The following LOC128462377 variants were observed in gnomAD, a reference collection of about 807,000 sequenced individuals.
chr16:89,319,773 C>T, the LOC128462377 span, among the ~76,000 whole-genome samples: 1 of 152,252 alleles, frequency 6.6e-6, no homozygotes, highest in Non-Finnish European at 1.5e-5. Context: ...CGCCTGCAGG[C>T]ACCAGGCGTG....
the LOC128462377 span, among the ~76,000 whole-genome samples, chr16:89,323,564 A>AGAGCCC: frequency 8.0e-5 from 1 of 12,566 alleles, no homozygotes; most frequent in Non-Finnish European, 1.6e-4. Context: ...GGTCTGAGCT[A>AGAGCCC]AGGGCACGGG....
the LOC128462377 span, among the ~76,000 whole-genome samples, chr16:89,372,407 G>C: frequency 6.6e-6 from 1 of 152,154 alleles, no homozygotes; most frequent in Non-Finnish European, 1.5e-5. Flanking sequence ...AGCACGGACG[G>C]GGTCGACAAG....
the LOC128462377 span, among the ~76,000 whole-genome samples, chr16:89,413,494 G>A: frequency 5.9e-5 from 9 of 152,042 alleles, no homozygotes; most frequent in East Asian, 7.7e-4. Flanking sequence ...GCGTGGTGGC[G>A]GGCACCTATA....
At chr16:89,335,678 C>A in the LOC128462377 span, among the ~76,000 whole-genome samples, 1 of 152,190 alleles carries the variant, frequency 6.6e-6, no homozygotes, top group East Asian at 1.9e-4. Context: ...CTCAGCTGAG[C>A]CCTCAGGACA....
the LOC128462377 span, among the ~76,000 whole-genome samples, chr16:89,364,769 C>T: frequency 6.6e-6 from 1 of 152,238 alleles, no homozygotes; most frequent in Non-Finnish European, 1.5e-5. Flanking sequence ...CCCTGTCAGA[C>T]TGTAAACACT....
At chr16:89,383,590 C>T in the LOC128462377 span, among the ~76,000 whole-genome samples, 9 of 152,318 alleles carry the variant, frequency 5.9e-5, no homozygotes, top group Admixed American at 2.6e-4. Flanking sequence ...TGGCCAAAGC[C>T]GAAGAGCCTC....
chr16:89,379,096 G>C, the LOC128462377 span, among the ~76,000 whole-genome samples: 1 of 152,194 alleles, frequency 6.6e-6, no homozygotes, highest in Non-Finnish European at 1.5e-5. Context: ...TCGGCAGTGC[G>C]GACCAGCCCC....
At chr16:89,395,054 G>A in the LOC128462377 span, among the ~76,000 whole-genome samples, 2 of 152,182 alleles carry the variant, frequency 1.3e-5, no homozygotes, top group Admixed American at 1.3e-4. Flanking sequence ...AGTTCTGCAG[G>A]ATTTGGAAAA....
chr16:89,389,433 AT>A, the LOC128462377 span, among the ~76,000 whole-genome samples: 1 of 152,194 alleles, frequency 6.6e-6, no homozygotes, highest in South Asian at 2.1e-4. Flanking sequence ...AAAAAAGTCA[AT>A]CAAAAGCTAC....
At chr16:89,318,859 G>T in the LOC128462377 span, among the ~76,000 whole-genome samples, 1 of 152,196 alleles carries the variant, frequency 6.6e-6, no homozygotes, top group African/African-American at 2.4e-5. Flanking sequence ...AGGTGAGCAG[G>T]TGTTTCCATC....
chr16:89,318,787 T>C, the LOC128462377 span, among the ~76,000 whole-genome samples: 1 of 152,212 alleles, frequency 6.6e-6, no homozygotes, highest in South Asian at 2.1e-4. Context: ...GGTGAAGTTA[T>C]TCTGGAGAGA....
At chr16:89,397,507 G>A in the LOC128462377 span, among the ~76,000 whole-genome samples, 2 of 152,208 alleles carry the variant, frequency 1.3e-5, no homozygotes, top group African/African-American at 4.8e-5. Context: ...GCTGCTATCC[G>A]CGCTCCTTTC....
chr16:89,388,778 T>C, the LOC128462377 span, among the ~76,000 whole-genome samples: 1 of 152,178 alleles, frequency 6.6e-6, no homozygotes, highest in Admixed American at 6.5e-5. Flanking sequence ...GCCAGATCCC[T>C]GTCCGCAGCC....
At chr16:89,334,144 TAAAA>T in the LOC128462377 span, among the ~76,000 whole-genome samples, 33 of 41,414 alleles carry the variant, frequency 8.0e-4, no homozygotes, top group African/African-American at 2.8e-3. Flanking sequence ...CCCTGTGTTT[TAAAA>T]AAAAAAAAAA....
the LOC128462377 span, among the ~76,000 whole-genome samples, chr16:89,367,882 T>A: frequency 6.6e-6 from 1 of 152,052 alleles, no homozygotes; most frequent in Non-Finnish European, 1.5e-5. Context: ...GGTGTGCTTG[T>A]GGTACCGGCT....
chr16:89,362,741 C>T, the LOC128462377 span, among the ~76,000 whole-genome samples: 3 of 152,236 alleles, frequency 2.0e-5, no homozygotes, highest in Admixed American at 6.5e-5. Flanking sequence ...CCCTGGCATG[C>T]TTATACTGGT....
chr16:89,396,362 A>AGG, the LOC128462377 span, among the ~76,000 whole-genome samples: 1 of 152,074 alleles, frequency 6.6e-6, no homozygotes, highest in Non-Finnish European at 1.5e-5. Context: ...TCCCACACAC[A>AGG]CGCGACGGAG....
chr16:89,388,293 ATTTTTT>A, the LOC128462377 span, among the ~76,000 whole-genome samples: 78 of 85,300 alleles, frequency 9.1e-4, no homozygotes, highest in African/African-American at 3.2e-3. Flanking sequence ...CATGAGGCTG[ATTTTTT>A]TTTTTTTTTT....
the LOC128462377 span, among the ~76,000 whole-genome samples, chr16:89,401,388 CTT>C: frequency 1.3e-5 from 2 of 152,232 alleles, no homozygotes; most frequent in South Asian, 2.1e-4. Context: ...AAATTTCTCT[CTT>C]GATTATGCAG....
Sources: allele counts gnomAD v4.1 joint callset (sites outside exome capture counted in the v4.1 genomes callset), GRCh38; gene constraint gnomAD v4.1.1; transcripts MANE v1.5.